The following MGMT variants were observed in gnomAD, a reference collection of about 807,000 sequenced individuals.
MGMT encodes the protein methylated-DNA--protein-cysteine methyltransferase.
MGMT carries 14 observed loss-of-function variants against 15.9 expected under a neutral mutation model. The observed-to-expected ratio is 0.88, with a 90% CI of 0.58 to 1.37. MGMT has a LOEUF of 1.37. MGMT is among the 40% of genes most tolerant of loss of function. MGMT has a pLI of 0.00. For synonymous variants in MGMT, 130 were observed against 118.2 expected (o/e 1.10, Z -0.65); for missense variants, 282 against 268.1 (o/e 1.05, Z -0.36).
intron 2 of MGMT, among the ~76,000 whole-genome samples, chr10:129,602,373 G>A (rs983434071): frequency 4.6e-5 from 7 of 152,154 alleles, no homozygotes; most frequent in African/African-American, 1.7e-4. Context: ...ATTAATATAA[G>A]TACCTGAGCC....
chr10:129,487,083 C>G (rs917204064), intron 1 of MGMT, among the ~76,000 whole-genome samples: 5 of 152,066 alleles, frequency 3.3e-5, no homozygotes, highest in African/African-American at 1.2e-4. Flanking sequence ...TATGAACCAC[C>G]CAGCACTAGC....
At chr10:129,617,536 A>G (rs748848453) in intron 2 of MGMT, among the ~76,000 whole-genome samples, 6 of 152,140 alleles carry the variant, frequency 3.9e-5, no homozygotes, top group Non-Finnish European at 7.4e-5. Context: ...ACTAATTTAC[A>G]TTCCCACCAA....
chr10:129,759,583 G>T (rs1436505982), intron 4 of MGMT, among the ~76,000 whole-genome samples: 1 of 152,158 alleles, frequency 6.6e-6, no homozygotes, highest in African/African-American at 2.4e-5. Context: ...TGAGCTCCTG[G>T]TTGTCACAGT....
At chr10:129,557,421 A>AT (rs1344345437) in intron 2 of MGMT, among the ~76,000 whole-genome samples, 1 of 152,086 alleles carries the variant, frequency 6.6e-6, no homozygotes, top group Admixed American at 6.5e-5. Flanking sequence ...TTTTATTGGT[A>AT]TTTTTAGGCT....
At chr10:129,641,871 A>T (rs1219792765) in intron 2 of MGMT, among the ~76,000 whole-genome samples, 1 of 152,212 alleles carries the variant, frequency 6.6e-6, no homozygotes, top group Non-Finnish European at 1.5e-5. Flanking sequence ...TTTTGTATCT[A>T]ATGTAATGCT....
At position 129,576,435 on chromosome 10, in the gene MGMT, C is replaced by T. The variant is rs549060796; in HGVS notation, c.125+40058C>T. 2.4e-3 allele frequency among the ~76,000 whole-genome samples: 359 copies of T among 152,252 alleles called. 1 individual carries two copies. Among genetic ancestry groups the T allele is most frequent in the African/African-American group, 8.2e-3 (342 of 41,540 alleles). On this transcript the variant is annotated intron_variant, in intron 2 of 4. Coordinates refer to ENST00000651593, the MANE Select transcript of MGMT (RefSeq NM_002412.5). Reference sequence around the variant, plus strand: ...TGTAAACAGAACCAAAGACAAAAACCACATGATTATCTCAATAGATGCAGA... The same window carrying T: ...TGTAAACAGAACCAAAGACAAAAACTACATGATTATCTCAATAGATGCAGA...
At chr10:129,508,673 G>A (rs1389966169) in intron 1 of MGMT, among the ~76,000 whole-genome samples, 1 of 152,050 alleles carries the variant, frequency 6.6e-6, no homozygotes, top group Non-Finnish European at 1.5e-5. Context: ...AGCCTCCCAA[G>A]TGGCTGGGAT....
chr10:129,570,246 G>A (rs193174301), intron 2 of MGMT, among the ~76,000 whole-genome samples: 18 of 152,386 alleles, frequency 1.2e-4, no homozygotes, highest in African/African-American at 4.3e-4. Flanking sequence ...ATGTTACTTT[G>A]TATCCTTAAC....
intron 2 of MGMT, among the ~76,000 whole-genome samples, chr10:129,705,312 C>T (rs113123301): frequency 6.6e-6 from 1 of 152,174 alleles, no homozygotes; most frequent in East Asian, 1.9e-4. Context: ...AAAAGAGGTT[C>T]GTGCTGCTGA....
intron 3 of MGMT, chr10:129,715,631 C>A (rs1233402511): frequency 6.6e-6 from 1 of 152,072 alleles, no homozygotes; most frequent in Admixed American, 6.5e-5. Flanking sequence ...TGAAATAATT[C>A]CAGCAATAAT....
intron 2 of MGMT, among the ~76,000 whole-genome samples, chr10:129,624,727 T>C (rs1847127471): frequency 6.6e-6 from 1 of 152,130 alleles, no homozygotes; most frequent in African/African-American, 2.4e-5. Context: ...CGGAAGTCAG[T>C]GGACCCAGTG....
rs147037577 is a variant in MGMT at position 129,559,350 on chromosome 10, A to G, written c.125+22973A>G. Among the ~76,000 whole-genome samples the G allele has an allele frequency of 2.3e-3, 346 of 152,312 alleles. 1 individual carries two copies. Among genetic ancestry groups the G allele is most frequent in the African/African-American group, 7.9e-3 (328 of 41,570 alleles). On this transcript the variant is annotated intron_variant, in intron 2 of 4. Transcript: ENST00000651593. ...TGCCCTGCGATCCCATAAGACCTTT[A>G]AAGCTAAAACTAGTTTGGGCCCTTG...
At chr10:129,739,123 C>T (rs1848600621) in intron 3 of MGMT, among the ~76,000 whole-genome samples, 1 of 152,282 alleles carries the variant, frequency 6.6e-6, no homozygotes, top group African/African-American at 2.4e-5. Context: ...GCTAAAAACT[C>T]TCAGTAAACT....
chr10:129,761,448 G>A (rs1405838176), intron 4 of MGMT, among the ~76,000 whole-genome samples: 4 of 152,190 alleles, frequency 2.6e-5, no homozygotes, highest in Non-Finnish European at 5.9e-5. Context: ...CCAGCCTTTG[G>A]TGATGCCAGC....
At chr10:129,634,589 A>G (rs1001320266) in intron 2 of MGMT, among the ~76,000 whole-genome samples, 1 of 151,892 alleles carries the variant, frequency 6.6e-6, no homozygotes, top group African/African-American at 2.4e-5. Context: ...CAAGTTCACT[A>G]ATTTTTTCTT....
intron 2 of MGMT, among the ~76,000 whole-genome samples, chr10:129,629,293 C>T (rs1263720437): frequency 6.6e-6 from 1 of 152,236 alleles, no homozygotes; most frequent in African/African-American, 2.4e-5. Flanking sequence ...GAAATATCTG[C>T]ATGAGTATTG....
At chr10:129,493,532 A>G (rs905770660) in intron 1 of MGMT, among the ~76,000 whole-genome samples, 3 of 152,234 alleles carry the variant, frequency 2.0e-5, no homozygotes, top group Non-Finnish European at 2.9e-5. Context: ...TGGTTTTTGC[A>G]TAAAGCTACC....
At chr10:129,471,792 A>G (rs999871202) in intron 1 of MGMT, among the ~76,000 whole-genome samples, 2 of 152,158 alleles carry the variant, frequency 1.3e-5, no homozygotes, top group African/African-American at 4.8e-5. Flanking sequence ...TCCTCTGGGA[A>G]GTAGCACTCT....
chr10:129,633,525 A>G (rs1847234199), intron 2 of MGMT, among the ~76,000 whole-genome samples: 1 of 152,204 alleles, frequency 6.6e-6, no homozygotes, highest in African/African-American at 2.4e-5. Context: ...CTGTATTTCA[A>G]ATTTTTTATA....
Sources: allele counts gnomAD v4.1 joint callset (sites outside exome capture counted in the v4.1 genomes callset), GRCh38; gene constraint gnomAD v4.1.1; transcripts MANE v1.5; gene names NCBI Gene and HGNC (gene_info 2026-07-23, HGNC 2026-07-21).